The following ASIC2 variants were observed in gnomAD, a reference collection of about 807,000 sequenced individuals.
The protein encoded by ASIC2 is acid-sensing ion channel 2.
Under a neutral mutation model 57.3 loss-of-function variants are expected in ASIC2, and 25 were observed. The observed-to-expected ratio is 0.44, with a 90% CI of 0.32 to 0.61. The LOEUF (loss-of-function observed/expected upper bound fraction) is 0.61. Ranked by LOEUF, ASIC2 falls within the 20% of genes least tolerant of loss-of-function variation. ASIC2 has a pLI of 0.06. For missense variants in ASIC2, 641 were observed against 738.1 expected (o/e 0.87, Z 1.52); for synonymous variants, 319 against 307.5 (o/e 1.04, Z -0.39).
At chr17:33,275,780 T>A (rs1406468066) in intron 1 of ASIC2, among the ~76,000 whole-genome samples, 2 of 152,164 alleles carry the variant, frequency 1.3e-5, no homozygotes, top group Non-Finnish European at 2.9e-5. Flanking sequence ...TCAGTGGTTG[T>A]ATGCAGCACA....
intron 1 of ASIC2, among the ~76,000 whole-genome samples, chr17:33,787,303 A>G (rs1489019498): frequency 2.0e-5 from 3 of 152,238 alleles, no homozygotes; most frequent in Non-Finnish European, 4.4e-5. Flanking sequence ...ATAAAGTGGT[A>G]TCTGTGGCTG....
chr17:33,932,741 A>AATATATGTATATATATAT (rs1915968082), intron 1 of ASIC2: 1 of 58,716 alleles, frequency 1.7e-5, no homozygotes, highest in Non-Finnish European at 3.1e-5. Context: ...AAAAAAAAAA[A>AATATATGTATATATATAT]ATATATATAT....
At chr17:33,405,730 C>T (rs1001821801) in intron 1 of ASIC2, among the ~76,000 whole-genome samples, 4 of 152,104 alleles carry the variant, frequency 2.6e-5, no homozygotes, top group Non-Finnish European at 5.9e-5. Context: ...GATCCACCCG[C>T]CTTGGCCTCC....
intron 1 of ASIC2, among the ~76,000 whole-genome samples, chr17:33,742,503 T>G (rs1597857936): frequency 6.6e-6 from 1 of 152,108 alleles, no homozygotes; most frequent in Non-Finnish European, 1.5e-5. Context: ...TAGAGAGGAG[T>G]GACAGAGTCA....
At position 33,495,935 on chromosome 17, in the gene ASIC2, G is replaced by A. The variant is rs141763995; in HGVS notation, c.556-383868C>T. Among the ~76,000 whole-genome samples, 35 of 152,280 alleles carry A rather than the reference G, an allele frequency of 2.3e-4. 1 individual carries two copies. Among genetic ancestry groups the A allele is most frequent in the African/African-American group, 5.3e-4 (22 of 41,566 alleles). On this transcript the variant is annotated intron_variant, in intron 1 of 9. Transcript: ENST00000359872. ...CATCCCAGGTACAAGGAAAAGCACC[G>A]ACAAAGGCCCTAGACAGGTGAAGAC...
chr17:34,127,449 T>C (rs1911820985), intron 1 of ASIC2, among the ~76,000 whole-genome samples: 2 of 152,244 alleles, frequency 1.3e-5, no homozygotes, highest in Admixed American at 1.3e-4. Flanking sequence ...CTCCAGACAA[T>C]GTGGCCCCCA....
chr17:33,871,740 G>A (rs1430084918), intron 1 of ASIC2, among the ~76,000 whole-genome samples: 1 of 152,116 alleles, frequency 6.6e-6, no homozygotes, highest in Non-Finnish European at 1.5e-5. Context: ...GACAGCTACC[G>A]GAAAGAGGGA....
chr17:33,516,529 C>T (rs1226945578), intron 1 of ASIC2, among the ~76,000 whole-genome samples: 4 of 152,126 alleles, frequency 2.6e-5, no homozygotes, highest in Admixed American at 6.5e-5. Flanking sequence ...TTGAAAATGC[C>T]GATATTCAGG....
intron 1 of ASIC2, among the ~76,000 whole-genome samples, chr17:33,475,498 C>T (rs1913190749): frequency 6.6e-6 from 1 of 152,046 alleles, no homozygotes; most frequent in Non-Finnish European, 1.5e-5. Context: ...TTGCTTTTTG[C>T]ACTCAACGTT....
At chr17:33,061,307 A>T (rs1288190055) in intron 3 of ASIC2, among the ~76,000 whole-genome samples, 1 of 152,170 alleles carries the variant, frequency 6.6e-6, no homozygotes, top group Non-Finnish European at 1.5e-5. Flanking sequence ...TTTGTCATAG[A>T]TAGCTCTTAT....
intron 5 of ASIC2, 93 bp from the exon 6 acceptor site, chr17:33,024,107 G>T: frequency 6.6e-7 from 1 of 1,518,232 alleles, no homozygotes; most frequent in African/African-American, 1.4e-5. Flanking sequence ...TGAGAAATGA[G>T]CTGGGAAGGG....
At chr17:33,564,156 C>A (rs1916162408) in intron 1 of ASIC2, among the ~76,000 whole-genome samples, 1 of 152,172 alleles carries the variant, frequency 6.6e-6, no homozygotes, top group Admixed American at 6.5e-5. Context: ...GATAAAGGTG[C>A]ATTGCTCTGA....
intron 1 of ASIC2, among the ~76,000 whole-genome samples, chr17:33,330,121 G>A (rs1597685778): frequency 6.6e-6 from 1 of 152,220 alleles, no homozygotes; most frequent in Non-Finnish European, 1.5e-5. Context: ...AGTGATGGTG[G>A]GATCAGATGA....
intron 1 of ASIC2, among the ~76,000 whole-genome samples, chr17:33,507,945 T>C (rs1317411040): frequency 1.3e-5 from 2 of 152,162 alleles, no homozygotes; most frequent in Non-Finnish European, 2.9e-5. Context: ...TGGGATTGTA[T>C]AAAAATATGC....
At chr17:34,117,739 G>A (rs1344559002) in intron 1 of ASIC2, among the ~76,000 whole-genome samples, 9 of 152,050 alleles carry the variant, frequency 5.9e-5, no homozygotes, top group Non-Finnish European at 1.0e-4. Context: ...ATTTGGGGGT[G>A]GGGCCTTAAC....
rs184129928 is a variant in ASIC2, at chr17:33,919,840, C to T, written c.555+236138G>A. Among the ~76,000 whole-genome samples the T allele has an allele frequency of 2.0e-5, 3 of 152,250 alleles. No homozygotes were observed. The East Asian group carries it at 5.8e-4, about 29-fold the overall frequency. ...AATTCAACAAGAAAATAACAAATAACCCCATTAAAAAGCGGGCAAAGGAAA... is the reference window on the plus strand; with the variant it reads ...AATTCAACAAGAAAATAACAAATAATCCCATTAAAAAGCGGGCAAAGGAAA... On this transcript the variant is annotated intron_variant, in intron 1 of 9. Transcript: ENST00000359872.
At chr17:33,187,633 G>T (rs1906248378) in intron 1 of ASIC2, among the ~76,000 whole-genome samples, 1 of 152,120 alleles carries the variant, frequency 6.6e-6, no homozygotes, top group Non-Finnish European at 1.5e-5. Context: ...GTCTTCTGTG[G>T]TAATGCAAAA....
chr17:33,061,535 T>C (rs1234668233), intron 3 of ASIC2, among the ~76,000 whole-genome samples: 1 of 152,234 alleles, frequency 6.6e-6, no homozygotes, highest in Non-Finnish European at 1.5e-5. Context: ...GTGGATAAGC[T>C]TTTTGATGTG....
At chr17:33,934,842 C>T (rs36082060) in intron 1 of ASIC2, among the ~76,000 whole-genome samples, 3,063 of 152,284 alleles carry the variant, frequency 0.02, 122 homozygotes, top group African/African-American at 0.07. Context: ...TCAAACCTGT[C>T]CCTCCCCCTC....
Sources: allele counts gnomAD v4.1 joint callset (sites outside exome capture counted in the v4.1 genomes callset), GRCh38; gene constraint gnomAD v4.1.1; transcripts MANE v1.5; gene names NCBI Gene and HGNC (gene_info 2026-07-23, HGNC 2026-07-21).